GNG4: variants seen among roughly 807,000 people sequenced by gnomAD.
GNG4 encodes the protein G protein subunit gamma 4.
In GNG4, 4 loss-of-function variants were observed where a neutral mutation model predicts 5.8. The observed-to-expected ratio is 0.69, with a 90% CI of 0.34 to 1.57. GNG4 has a LOEUF of 1.57. Ranked by LOEUF, GNG4 falls within the 40% of genes most tolerant of loss-of-function variation. GNG4 has a pLI of 0.06. For synonymous variants in GNG4, 29 were observed against 32.9 expected, an observed-to-expected ratio of 0.88 and a Z score of 0.41; for missense variants, 96 against 95.1, an observed-to-expected ratio of 1.01 and a Z score of -0.04.
chr1:235,625,643 T>C (rs897941838), intron 1 of GNG4, among the ~76,000 whole-genome samples: 1 of 152,194 alleles, frequency 6.6e-6, no homozygotes, highest in Non-Finnish European at 1.5e-5. Flanking sequence ...ACTGATTCCA[T>C]AATTCTGCCT....
At chr1:235,608,003 T>C (rs1327866157) in intron 1 of GNG4, among the ~76,000 whole-genome samples, 1 of 151,532 alleles carries the variant, frequency 6.6e-6, no homozygotes, top group East Asian at 1.9e-4. Flanking sequence ...GGTGGCGTGA[T>C]CTTGGCTCAC....
intron 1 of GNG4, among the ~76,000 whole-genome samples, chr1:235,612,514 A>G (rs904763664): frequency 2.5e-4 from 38 of 152,212 alleles, no homozygotes; most frequent in African/African-American, 8.7e-4. Flanking sequence ...CTGCTATAAC[A>G]AAATACCATA....
chr1:235,570,980 T>C (rs1456523407), intron 3 of GNG4, among the ~76,000 whole-genome samples: 2 of 80,212 alleles, frequency 2.5e-5, no homozygotes, highest in African/African-American at 1.2e-4. Context: ...TTTTTTTTTT[T>C]TGAAGAGATA....
rs137941407 is a variant in GNG4 at position 235,583,128 on chromosome 1, G to A, written c.99+612C>T. ...TCCTTTCAACTCTATTACAGTCAAC[G>A]AGCGTCATGCTCACGGACTCGTTCA... On this transcript the variant is annotated intron_variant, in intron 3 of 3. Transcript: ENST00000391854. Among the ~76,000 whole-genome samples the A allele has an allele frequency of 9.3e-4, 142 of 152,304 alleles. 1 individual carries two copies. The highest frequency in any genetic ancestry group is 3.4e-3 in the Middle Eastern group (1 of 294).
In GNG4 at chr1:235,648,129, T is replaced by A. The variant is rs1571932689; in HGVS notation, c.-123+1533A>T. On this transcript the variant is annotated intron_variant, in intron 1 of 3. Transcript: ENST00000391854. This position sits in a 1 kb window ranked among gnomAD's most constrained non-coding sequence, Gnocchi z 5.0. ...GTGCTGTTTCTGAGCCAGGCCTACA[T>A]CCTCCACTGGCTTCCTTGGGCGAAT... Among the ~76,000 whole-genome samples the A allele has an allele frequency of 6.6e-6, 1 of 152,002 alleles. No individual in the cohort carries two copies. The highest frequency in any genetic ancestry group is 1.9e-4 in the East Asian group (1 of 5,178).
At position 235,583,795 on chromosome 1, in the gene GNG4, T is replaced by C. The variant is rs777087327; in HGVS notation, c.44A>G (p.Gln15Arg). Residue 15 changes from glutamine (Q) to arginine (R), a missense_variant, in exon 3 of 4, where the codon CAA (glutamine) becomes CGA (arginine). Transcript: ENST00000391854. Reference protein sequence around the residue: ...MSNNSTTSISQARKAVEQLKM... With the variant: ...MSNNSTTSISRARKAVEQLKM... ...TAGCTGCTCCACAGCTTTCCTGGCT[T>C]GGGAGATGCTAGTGGTGCTGTTATT... The C allele has an allele frequency of 6.2e-7, 1 of 1,613,954 alleles. No individual in the cohort carries two copies. Among genetic ancestry groups the C allele is most frequent in the South Asian group, 1.1e-5 (1 of 91,058 alleles).
intron 1 of GNG4, chr1:235,616,400 G>A (rs1571914941): frequency 3.4e-6 from 1 of 294,094 alleles, no homozygotes; most frequent in East Asian, 1.0e-4. Context: ...GATTGGGTAG[G>A]GCCCTGCCAG....
chr1:235,618,260 A>G (rs1688638308), intron 1 of GNG4, among the ~76,000 whole-genome samples: 2 of 152,224 alleles, frequency 1.3e-5, no homozygotes, highest in South Asian at 2.1e-4. Flanking sequence ...TGGGCTTTCA[A>G]TCACCTGTGT....
At chr1:235,559,650 G>C (rs1260803925) in intron 3 of GNG4, among the ~76,000 whole-genome samples, 1 of 152,222 alleles carries the variant, frequency 6.6e-6, no homozygotes, top group Non-Finnish European at 1.5e-5. Context: ...ATCAAGCTTA[G>C]AGTGGGTTAG....
chr1:235,640,615 G>A (rs930981057), intron 1 of GNG4, among the ~76,000 whole-genome samples: 6 of 152,248 alleles, frequency 3.9e-5, no homozygotes, highest in Admixed American at 2.0e-4. Flanking sequence ...GAATACATAA[G>A]ACAGTCCTTG....
In GNG4 at chr1:235,552,222, C is replaced by T. The variant is rs774689533; in HGVS notation, c.115G>A (p.Ala39Thr). Reference protein sequence around the residue: ...MDRVKVSQAAADLLAYCEAHV... With the variant: ...MDRVKVSQAATDLLAYCEAHV... The stretch of plus-strand genomic sequence containing the variant: ...GCTTCACAGTAGGCCAGGAGGTCCG[C>T]AGCTGCCTGGGAGACCTGTGAGGGC... The change falls in exon 4 of 4, where the codon GCG becomes ACG. Residue 39 changes from alanine (A) to threonine (T), a missense_variant. Coordinates refer to ENST00000391854, the MANE Select transcript of GNG4 (RefSeq NM_001098722.2). 6 of 1,613,830 alleles carry T rather than the reference C, an allele frequency of 3.7e-6. No individual in the cohort carries two copies. The highest frequency in any genetic ancestry group is 3.3e-5 in the South Asian group (3 of 91,090).
rs1657602843 is a variant in GNG4, at chr1:235,649,487, A to G, written c.-123+175T>C. The stretch of plus-strand genomic sequence containing the variant: ...GGTCCCGGGAGAGGAGGCCGAGGGA[A>G]CCACAGGTCTTTGTGTCGCGTGCAG... On this transcript the variant is annotated intron_variant, in intron 1 of 3. Coordinates refer to ENST00000391854, the MANE Select transcript of GNG4 (RefSeq NM_001098722.2). The surrounding 1 kb of genome is among the most constrained non-coding windows in gnomAD (Gnocchi z 5.7). 6.6e-6 allele frequency among the ~76,000 whole-genome samples: 1 copy of G among 151,718 alleles called. No homozygotes were observed. Among genetic ancestry groups the G allele is most frequent in the Non-Finnish European group, 1.5e-5 (1 of 67,876 alleles).
intron 1 of GNG4, among the ~76,000 whole-genome samples, chr1:235,614,025 C>T (rs1179840658): frequency 6.6e-6 from 1 of 152,156 alleles, no homozygotes; most frequent in Non-Finnish European, 1.5e-5. Flanking sequence ...ATTACCCAGG[C>T]TGGTGTCAAA....
chr1:235,628,422 G>C (rs890588182), intron 1 of GNG4, among the ~76,000 whole-genome samples: 5 of 150,630 alleles, frequency 3.3e-5, no homozygotes, highest in Non-Finnish European at 4.4e-5. Flanking sequence ...GAGACGGGGG[G>C]GGGTTACAAG....
chr1:235,605,935 T>C (rs2102965067), intron 1 of GNG4, among the ~76,000 whole-genome samples: 1 of 137,682 alleles, frequency 7.3e-6, no homozygotes, highest in South Asian at 2.5e-4. Context: ...TGTTACATTT[T>C]ATTTTTTTGA....
chr1:235,564,851 T>A (rs1290485885), intron 3 of GNG4, among the ~76,000 whole-genome samples: 2 of 152,138 alleles, frequency 1.3e-5, no homozygotes, highest in African/African-American at 4.8e-5. Flanking sequence ...ACGCCCGGCT[T>A]ATTTTGGTAT....
intron 2 of GNG4, among the ~76,000 whole-genome samples, chr1:235,590,449 T>C (rs1558487832): frequency 6.6e-6 from 1 of 150,486 alleles, no homozygotes; most frequent in Admixed American, 6.6e-5. Flanking sequence ...AGTGAGACTG[T>C]CTGGAAAAAA....
chr1:235,633,468 T>C (rs989026932), intron 1 of GNG4, among the ~76,000 whole-genome samples: 1 of 152,164 alleles, frequency 6.6e-6, no homozygotes, highest in Non-Finnish European at 1.5e-5. Context: ...TTATTTCTCT[T>C]TCCACTTTAT....
intron 1 of GNG4, among the ~76,000 whole-genome samples, chr1:235,645,705 G>A (rs1200214897): frequency 2.7e-5 from 4 of 149,754 alleles, no homozygotes; most frequent in Non-Finnish European, 5.9e-5. Context: ...GCCAAGGCAG[G>A]AGAATCGCTT....
Sources: allele counts gnomAD v4.1 joint callset (sites outside exome capture counted in the v4.1 genomes callset), GRCh38; gene constraint gnomAD v4.1.1; non-coding constraint Gnocchi (gnomAD v3.1); transcripts MANE v1.5; gene names NCBI Gene and HGNC (gene_info 2026-07-23, HGNC 2026-07-21).